Variants in NAALADL2 observed in about 807,000 individuals in gnomAD.
The protein encoded by NAALADL2 is N-acetylated alpha-linked acidic dipeptidase like 2.
NAALADL2 carries 76 observed loss-of-function variants against 87.2 expected under a neutral mutation model. That is an observed-to-expected ratio of 0.87 (90% confidence interval 0.72 to 1.05). The LOEUF (loss-of-function observed/expected upper bound fraction) is 1.05. Ranked by LOEUF, NAALADL2 falls within the 50% of genes least tolerant of loss-of-function variation. NAALADL2 has a pLI of 0.00. For synonymous variants in NAALADL2, 354 were observed against 331.0 expected, an observed-to-expected ratio of 1.07 and a Z score of -0.75; for missense variants, 1,089 against 945.8, an observed-to-expected ratio of 1.15 and a Z score of -1.99.
At chr3:175,124,028 G>C (rs781543014) in intron 2 of NAALADL2, among the ~76,000 whole-genome samples, 10 of 151,914 alleles carry the variant, frequency 6.6e-5, no homozygotes, top group Non-Finnish European at 1.2e-4. Flanking sequence ...TTCCAAATCA[G>C]ATTGCAGACC....
At chr3:174,488,353 A>G (rs1016185286) in intron 1 of NAALADL2, among the ~76,000 whole-genome samples, 3 of 152,006 alleles carry the variant, frequency 2.0e-5, no homozygotes, top group Non-Finnish European at 2.9e-5. Context: ...TGTCACCTCT[A>G]ATAAGAATAT....
At chr3:174,604,506 T>C (rs1718783990) in intron 2 of NAALADL2, among the ~76,000 whole-genome samples, 2 of 152,142 alleles carry the variant, frequency 1.3e-5, no homozygotes, top group African/African-American at 2.4e-5. Context: ...GTCCTGTTTT[T>C]TGTTTTGCTT....
chr3:175,791,647 C>G (rs1752789363), intron 13 of NAALADL2, among the ~76,000 whole-genome samples: 1 of 152,218 alleles, frequency 6.6e-6, no homozygotes, highest in South Asian at 2.1e-4. Context: ...CTGACTATTT[C>G]TATAATGGGA....
At chr3:174,811,511 A>C (rs1373414703) in intron 3 of NAALADL2, among the ~76,000 whole-genome samples, 1 of 152,102 alleles carries the variant, frequency 6.6e-6, no homozygotes, top group Non-Finnish European at 1.5e-5. Context: ...TGCAACCCTT[A>C]ACTTGTGGCT....
intron 2 of NAALADL2, among the ~76,000 whole-genome samples, chr3:174,658,765 C>T (rs952874382): frequency 6.6e-6 from 1 of 152,104 alleles, no homozygotes; most frequent in African/African-American, 2.4e-5. Context: ...GATAAGAAAG[C>T]ATTTTATAAT....
chr3:175,724,568 G>A (rs929550646), intron 11 of NAALADL2, among the ~76,000 whole-genome samples: 1 of 152,060 alleles, frequency 6.6e-6, no homozygotes. Flanking sequence ...ATTGCATTTA[G>A]AGCCAAGAAA....
intron 9 of NAALADL2, among the ~76,000 whole-genome samples, chr3:175,542,895 A>T (rs144165041): frequency 3.9e-4 from 60 of 152,352 alleles, no homozygotes; most frequent in African/African-American, 1.2e-3. Context: ...ATGAATAAAC[A>T]GGAGGAAAAT....
In NAALADL2 at chr3:174,846,905, C is replaced by G. The variant is rs116216098; in HGVS notation, c.-9+109159C>G. ...GACCATAGATGAGAGAGAAGAAAGA[C>G]TGTATTTAGGGAATTGTTCTCCAGG... On this transcript the variant is annotated intron_variant, in intron 3 of 3. Coordinates refer to the NAALADL2 transcript ENST00000434257. Among the ~76,000 whole-genome samples, 444 of 152,178 alleles carry G rather than the reference C, an allele frequency of 2.9e-3. 2 individuals carry two copies. The highest frequency in any genetic ancestry group is 0.01 in the African/African-American group (429 of 41,528).
At chr3:174,803,289 G>T (rs534846306) in intron 3 of NAALADL2, among the ~76,000 whole-genome samples, 1 of 152,248 alleles carries the variant, frequency 6.6e-6, no homozygotes, top group Non-Finnish European at 1.5e-5. Flanking sequence ...TTTGAGAAAT[G>T]TCTGTTCATA....
chr3:175,111,993 GAC>G (rs1423007639), intron 2 of NAALADL2, among the ~76,000 whole-genome samples: 1 of 151,598 alleles, frequency 6.6e-6, no homozygotes, highest in East Asian at 1.9e-4. Context: ...AATTTACAAT[GAC>G]ACAGTTTCCT....
At chr3:175,258,197 A>G (rs1159452255) in intron 4 of NAALADL2, among the ~76,000 whole-genome samples, 1 of 151,930 alleles carries the variant, frequency 6.6e-6, no homozygotes, top group East Asian at 1.9e-4. Context: ...AGTCCCAGCT[A>G]CTTGGGAGGC....
intron 3 of NAALADL2, among the ~76,000 whole-genome samples, chr3:174,757,939 A>C (rs1712354087): frequency 6.6e-6 from 1 of 152,246 alleles, no homozygotes; most frequent in Admixed American, 6.5e-5. Context: ...AGAAAAGTAC[A>C]GGAATAGTGA....
intron 4 of NAALADL2, among the ~76,000 whole-genome samples, chr3:175,314,690 A>G (rs1407022708): frequency 9.7e-5 from 5 of 51,456 alleles, no homozygotes; most frequent in Non-Finnish European, 1.9e-4. Flanking sequence ...ATATATATAT[A>G]TATATATATA....
chr3:174,583,833 C>T (rs9856191), intron 2 of NAALADL2, among the ~76,000 whole-genome samples: 3 of 151,830 alleles, frequency 2.0e-5, no homozygotes, highest in Admixed American at 1.3e-4. Flanking sequence ...TTACAAAAAG[C>T]GGAATAATTT....
chr3:175,215,824 A>G (rs1344071852), intron 2 of NAALADL2, among the ~76,000 whole-genome samples: 6 of 152,210 alleles, frequency 3.9e-5, no homozygotes, highest in Non-Finnish European at 8.8e-5. Context: ...TAATTGAAAT[A>G]ATTCTTCTGG....
At chr3:174,839,906 A>T (rs1723820444) in intron 3 of NAALADL2, among the ~76,000 whole-genome samples, 1 of 152,128 alleles carries the variant, frequency 6.6e-6, no homozygotes, top group South Asian at 2.1e-4. Context: ...GATGGTAGGA[A>T]TGTAAACTAG....
chr3:175,308,129 A>AT (rs529708377), intron 4 of NAALADL2, among the ~76,000 whole-genome samples: 239 of 152,094 alleles, frequency 1.6e-3, no homozygotes, highest in African/African-American at 4.8e-3. Context: ...AGAGAAAACC[A>AT]TTTTTTTTAT....
At chr3:175,079,245 T>C (rs1033549868) in intron 1 of NAALADL2, 10 of 152,236 alleles carry the variant, frequency 6.6e-5, no homozygotes, top group Non-Finnish European at 4.4e-5. Flanking sequence ...GGAATTTATT[T>C]TCAGATCATT....
intron 9 of NAALADL2, among the ~76,000 whole-genome samples, chr3:175,539,150 T>C (rs1004470466): frequency 6.6e-6 from 1 of 152,182 alleles, no homozygotes; most frequent in Non-Finnish European, 1.5e-5. Flanking sequence ...TGTTCTGTTC[T>C]GAGTCTTGAG....
Sources: allele counts gnomAD v4.1 joint callset (sites outside exome capture counted in the v4.1 genomes callset), GRCh38; gene constraint gnomAD v4.1.1; transcripts MANE v1.5; gene names NCBI Gene and HGNC (gene_info 2026-07-23, HGNC 2026-07-21).